The following EEF2K variants were observed in gnomAD, a reference collection of about 807,000 sequenced individuals.
The protein encoded by EEF2K is eukaryotic elongation factor 2 kinase.
A neutral mutation model predicts 93.8 loss-of-function variants in EEF2K; 70 were observed. The observed-to-expected ratio is 0.75, with a 90% CI of 0.62 to 0.91. EEF2K has a LOEUF of 0.91. Ranked by LOEUF, EEF2K falls within the 40% of genes least tolerant of loss-of-function variation. EEF2K has a pLI of 0.00. For missense variants in EEF2K, 935 were observed against 972.9 expected (o/e 0.96, Z 0.52); for synonymous variants, 376 against 380.8 (o/e 0.99, Z 0.15).
chr16:22,242,136 C>T (rs960087867), intron 2 of EEF2K, among the ~76,000 whole-genome samples: 7 of 151,998 alleles, frequency 4.6e-5, no homozygotes, highest in African/African-American at 1.4e-4. Context: ...AGAGAGAGAC[C>T]TTATTCCTAT....
intron 6 of EEF2K, among the ~76,000 whole-genome samples, chr16:22,253,513 C>T (rs370817236): frequency 1.6e-4 from 25 of 152,072 alleles, no homozygotes; most frequent in African/African-American, 5.1e-4. Flanking sequence ...GTGGGCTTGG[C>T]GGGCATCTTG....
At chr16:22,246,301 C>T (rs2047290443) in intron 3 of EEF2K, among the ~76,000 whole-genome samples, 1 of 151,868 alleles carries the variant, frequency 6.6e-6, no homozygotes, top group African/African-American at 2.4e-5. Flanking sequence ...GTGAGTGGAT[C>T]ACTTGAGGTC....
Position 22,243,809 on chromosome 16 carries a change from G to C in EEF2K, c.247-821G>C, listed in dbSNP as rs1186964639. Among the ~76,000 whole-genome samples the C allele has an allele frequency of 2.0e-5, 3 of 150,618 alleles. No individual in the cohort carries two copies. The Admixed American group carries it at 2.0e-4, about 10-fold the overall frequency. ...ATAGTGGTGTGCACCTGTAGGTCCAGCTACTCCCAAGGCTGAGGTGGGAGG... is the reference window on the plus strand; with the variant it reads ...ATAGTGGTGTGCACCTGTAGGTCCACCTACTCCCAAGGCTGAGGTGGGAGG... On this transcript the variant is annotated intron_variant, in intron 2 of 17. Transcript: ENST00000263026.
chr16:22,284,056 A>G lies in EEF2K; in HGVS notation c.*60A>G, dbSNP rs879754796. 3 of 1,370,556 alleles carry G rather than the reference A, an allele frequency of 2.2e-6. No homozygotes were observed. The highest frequency in any genetic ancestry group is 3.0e-6 in the Non-Finnish European group (3 of 999,300). The allele number at this position is 1,370,556 out of a possible 1,614,324, so 84.9% of individuals were successfully genotyped here. A position where few individuals can be genotyped will look rare whatever the true frequency, so the allele number is the denominator to read the frequency against. ...CGGGCTAGGAGGAAAGATTAAAAAA[A>G]CAACAACAACAACTTATTTAGTTTG... On this transcript the variant is annotated 3_prime_UTR_variant, in exon 18 of 18. Coordinates refer to ENST00000263026, the MANE Select transcript of EEF2K (RefSeq NM_013302.5).
At position 22,284,142 on chromosome 16, in the gene EEF2K, CT is replaced by C; in HGVS notation, c.*148del. On this transcript the variant is annotated 3_prime_UTR_variant, in exon 18 of 18. Coordinates refer to ENST00000263026, the MANE Select transcript of EEF2K (RefSeq NM_013302.5). ...AAATTTTATATTTCATTTTTTGACT[CT>C]TGAAAAATGTCTTTGCTCCTTGGCA... The C allele has an allele frequency of 1.3e-6, 1 of 762,408 alleles. No homozygotes were observed. The allele number at this position is 762,408 out of a possible 1,614,324, so 47.2% of individuals were successfully genotyped here. A position where few individuals can be genotyped will look rare whatever the true frequency, so the allele number is the denominator to read the frequency against.
intron 16 of EEF2K, among the ~76,000 whole-genome samples, chr16:22,274,190 C>G (rs991009387): frequency 6.6e-6 from 1 of 152,118 alleles, no homozygotes; most frequent in Non-Finnish European, 1.5e-5. Flanking sequence ...CGCATGTAAT[C>G]TTAGCACTTT....
chr16:22,220,665 G>A (rs1408230272), intron 1 of EEF2K, among the ~76,000 whole-genome samples: 2 of 152,150 alleles, frequency 1.3e-5, no homozygotes, highest in African/African-American at 2.4e-5. Context: ...GGCTGGCCTC[G>A]AACTCCTGAG....
intron 15 of EEF2K, among the ~76,000 whole-genome samples, chr16:22,270,063 TCTC>T (rs2047562659): frequency 6.6e-6 from 1 of 151,604 alleles, no homozygotes; most frequent in African/African-American, 2.4e-5. Flanking sequence ...TTCAAGCAAT[TCTC>T]CTGCCTAAGC....
At chr16:22,248,900 A>C in intron 4 of EEF2K, 85 bp downstream of exon 4, 2 of 1,297,094 alleles carry the variant, frequency 1.5e-6, no homozygotes, top group East Asian at 2.6e-5. Flanking sequence ...CTTCTCTCCC[A>C]CTCCCACTTT....
At chr16:22,241,636 CAAAAAAAAAAA>C (rs71151666) in intron 2 of EEF2K, among the ~76,000 whole-genome samples, 3 of 49,182 alleles carry the variant, frequency 6.1e-5, no homozygotes, top group African/African-American at 8.7e-5. Flanking sequence ...GAGACTGTCT[CAAAAAAAAAAA>C]AAAAAAAAAA....
intron 2 of EEF2K, among the ~76,000 whole-genome samples, chr16:22,229,443 G>A (rs544627211): frequency 2.0e-5 from 3 of 152,184 alleles, no homozygotes; most frequent in Non-Finnish European, 4.4e-5. Context: ...AGCCGGGCGC[G>A]GTGGCTCACG....
At chr16:22,210,420 C>T (rs995573127) in intron 1 of EEF2K, among the ~76,000 whole-genome samples, 6 of 152,164 alleles carry the variant, frequency 3.9e-5, no homozygotes, top group Non-Finnish European at 8.8e-5. Flanking sequence ...TTGCTGGACC[C>T]ATCCCCAGAG....
At chr16:22,267,364 G>A (rs1567286320) in intron 15 of EEF2K, among the ~76,000 whole-genome samples, 1 of 152,068 alleles carries the variant, frequency 6.6e-6, no homozygotes, top group African/African-American at 2.4e-5. Context: ...AGGTTGAGGC[G>A]GGTGGATCAC....
rs147445610 is a variant in EEF2K at position 22,266,783 on chromosome 16, C to A, written c.1671C>A (p.His557Gln). Residue 557 changes from histidine to glutamine, a missense_variant, in exon 15 of 18, where the codon CAC becomes CAA. Transcript: ENST00000263026. ...AGTCGGCTGTCTTCCACCTGGAGCA[C>A]GCAGCCAACCTGGGCGAGCTGGAGG... ...DQESAVFHLE[H>Q]AANLGELEAI... The A allele has an allele frequency of 1.2e-6, 2 of 1,614,096 alleles. No individual in the cohort carries two copies. Among genetic ancestry groups the A allele is most frequent in the African/African-American group, 2.7e-5 (2 of 74,934 alleles).
At chr16:22,248,118 G>A (rs1042755954) in intron 3 of EEF2K, among the ~76,000 whole-genome samples, 4 of 152,028 alleles carry the variant, frequency 2.6e-5, no homozygotes, top group African/African-American at 9.7e-5. Flanking sequence ...AGGCTGGAGT[G>A]CAATGGTGCA....
intron 1 of EEF2K, among the ~76,000 whole-genome samples, chr16:22,213,131 T>C (rs746134306): frequency 6.6e-6 from 1 of 151,688 alleles, no homozygotes; most frequent in East Asian, 1.9e-4. Context: ...AATACAAAAA[T>C]GAGCCAGGCA....
intron 2 of EEF2K, among the ~76,000 whole-genome samples, chr16:22,231,998 C>CAAAAAAAAA (rs35198909): frequency 6.1e-5 from 4 of 65,990 alleles, no homozygotes; most frequent in East Asian, 5.0e-4. Context: ...CTTAAACAAA[C>CAAAAAAAAA]AAAAAAAAAA....
At chr16:22,238,744 G>A (rs2047193411) in intron 2 of EEF2K, among the ~76,000 whole-genome samples, 1 of 151,782 alleles carries the variant, frequency 6.6e-6, no homozygotes, top group African/African-American at 2.4e-5. Flanking sequence ...GATAGGAATG[G>A]CTGGGTCAGA....
intron 2 of EEF2K, among the ~76,000 whole-genome samples, chr16:22,242,168 CA>C (rs1287914805): frequency 1.3e-5 from 2 of 151,932 alleles, no homozygotes; most frequent in African/African-American, 4.8e-5. Flanking sequence ...AACAAAAACC[CA>C]AAAACAAAAG....
Sources: gnomAD v4.1 joint callset for allele counts (sites outside exome capture counted in the v4.1 genomes callset) on GRCh38, gnomAD v4.1.1 for gene constraint, MANE v1.5 for transcripts, NCBI Gene and HGNC (gene_info 2026-07-23, HGNC 2026-07-21) for gene names.